The following CP variants were observed in gnomAD, a reference collection of about 807,000 sequenced individuals.
CP encodes the protein caeruloplasmin.
A neutral mutation model predicts 122.4 loss-of-function variants in CP; 64 were observed. That is an observed-to-expected ratio of 0.52 (90% CI 0.43 to 0.64). The LOEUF is 0.64. CP is among the 30% of genes least tolerant of loss of function. The pLI is 0.00. For missense variants in CP, 1,167 were observed against 1,284.4 expected, an observed-to-expected ratio of 0.91 and a Z score of 1.40; for synonymous variants, 440 against 436.4, an observed-to-expected ratio of 1.01 and a Z score of -0.10.
At chr3:149,166,882 TA>T in intron 4 of CP, 1 of 656,166 alleles carries the variant, frequency 1.5e-6, no homozygotes, top group East Asian at 2.7e-5. Flanking sequence ...TTAGATTTAT[TA>T]AATAAGGACC....
At chr3:149,192,493 CA>C (rs11451281) in intron 9 of CP, among the ~76,000 whole-genome samples, 68 of 143,728 alleles carry the variant, frequency 4.7e-4, no homozygotes, top group African/African-American at 1.2e-3. Flanking sequence ...ATACAAAAGG[CA>C]AAAAAAAAAG....
At chr3:149,196,626 C>T (rs1726912313) in intron 9 of CP, among the ~76,000 whole-genome samples, 2 of 152,130 alleles carry the variant, frequency 1.3e-5, no homozygotes, top group African/African-American at 4.8e-5. Context: ...TCAACCTGAA[C>T]AAGTCCTTCA....
At chr3:149,167,145 T>G (rs1366000709) in intron 4 of CP, 1 of 1,613,810 alleles carries the variant, frequency 6.2e-7, no homozygotes, top group Non-Finnish European at 8.5e-7. Context: ...TCGTACACGC[T>G]TGAAAGAGTA....
rs1178729691 is a variant in CP, at chr3:149,163,966, C to G, written c.*14-1091G>C. 6.6e-6 allele frequency: 8 copies of G among 1,203,734 alleles called. No individual in the cohort carries two copies. In the African/African-American group the frequency reaches 1.2e-4, roughly 18 times the overall value. The allele number at this position is 1,203,734 out of a possible 1,614,324, so 74.6% of individuals were successfully genotyped here. On this transcript the variant is annotated intron_variant, in intron 5 of 5. Coordinates refer to the CP transcript ENST00000479771. ...AAATTACAGGTAAGTAAAAATACCT[C>G]CTTTTCTTATGAAATTGCATATTAC...
intron 9 of CP, among the ~76,000 whole-genome samples, chr3:149,194,376 T>C (rs1726753145): frequency 1.3e-5 from 2 of 151,970 alleles, no homozygotes. Context: ...GTAGCTGGGA[T>C]TACAGACATG....
chr3:149,208,594 T>A lies in CP; in HGVS notation c.781+617A>T, dbSNP rs1043601667. Among the ~76,000 whole-genome samples, 72 of 152,306 alleles carry A rather than the reference T, an allele frequency of 4.7e-4. 1 individual carries two copies. The highest frequency in any genetic ancestry group is 1.6e-3 in the African/African-American group (65 of 41,580). ...CAAATAAACGAAAATATCTACTTAT[T>A]GGTCTAGTTGTTGTTAAGGGACTCT... is the stretch of plus-strand genomic sequence containing the variant. On this transcript the variant is annotated intron_variant, in intron 4 of 18. Coordinates refer to ENST00000264613, the MANE Select transcript of CP (RefSeq NM_000096.4).
chr3:149,216,423 G>A (rs546495237), intron 1 of CP, among the ~76,000 whole-genome samples: 10 of 152,170 alleles, frequency 6.6e-5, no homozygotes, highest in African/African-American at 2.4e-4. Context: ...AAGGTCACCC[G>A]TATGCCCTCC....
intron 16 of CP, 80 bp from the exon 17 acceptor site, chr3:149,178,059 G>A (rs1328001008): frequency 7.6e-7 from 1 of 1,308,894 alleles, no homozygotes; most frequent in Non-Finnish European, 1.1e-6. Context: ...ATGATTATTA[G>A]GTTAATGTAA....
In CP at chr3:149,207,500, T is replaced by C. The variant is rs1474775877; in HGVS notation, c.899A>G (p.His300Arg). The part of the protein sequence containing the change: ...NEVDVHAAFF[H>R]GQALTNKNYR... ...GTTCTTGTTAGTCAGTGCTTGCCCG[T>C]GAAAGAAAGCTGCGTGCACATCAAC... Residue 300 changes from histidine (H) to arginine (R), a missense_variant, in exon 5 of 19, where the codon CAC (histidine) becomes CGC (arginine). Around this residue, in one of 2 missense-constraint regions of CP, gnomAD observed 642 missense variants for 627.3 expected, o/e 1.02. Coordinates refer to ENST00000264613, the MANE Select transcript of CP (RefSeq NM_000096.4). 1.2e-6 allele frequency: 2 copies of C among 1,613,886 alleles called. No individual in the cohort carries two copies. Among genetic ancestry groups the C allele is most frequent in the Non-Finnish European group, 1.7e-6 (2 of 1,179,906 alleles).
intron 9 of CP, among the ~76,000 whole-genome samples, chr3:149,192,354 A>G (rs1726593714): frequency 6.6e-6 from 1 of 152,086 alleles, no homozygotes; most frequent in South Asian, 2.1e-4. Context: ...TAGAAAAGAT[A>G]AAACTTAGAG....
intron 9 of CP, among the ~76,000 whole-genome samples, chr3:149,197,132 C>T (rs1022607310): frequency 7.2e-5 from 11 of 152,162 alleles, no homozygotes; most frequent in East Asian, 5.8e-4. Context: ...TCCTATAAAA[C>T]GGCCCCACAC....
rs1576759866 is a variant in CP at position 149,198,478 on chromosome 3, A to G, written c.1602T>C (p.Cys534=). ...EVGPTNADPV[C]LAKMYYSAVE... is the part of the protein sequence containing the mutation. ...CAGCAGAATAATACATCTTAGCTAGACACACAGGATCTGCATTAGTGGGTC... is the reference window on the plus strand; with the variant it reads ...CAGCAGAATAATACATCTTAGCTAGGCACACAGGATCTGCATTAGTGGGTC... The change falls in exon 9 of 19, where the codon TGT becomes TGC. Residue 534 remains cysteine, a synonymous_variant. Transcript: ENST00000264613. 6.2e-7 allele frequency: 1 copy of G among 1,614,044 alleles called. No individual in the cohort carries two copies. The highest frequency in any genetic ancestry group is 1.3e-5 in the African/African-American group (1 of 75,038).
In CP at chr3:149,187,995, C is replaced by T. The variant is rs561024038; in HGVS notation, c.1864+57G>A. ...TCTTCACATTTTGTTTAGTTAAAAG[C>T]ATTACATATGCAGTACTAAAATAAC... On this transcript the variant is annotated intron_variant, in intron 10 of 18. Transcript: ENST00000264613. 18 of 1,570,386 alleles carry T rather than the reference C, an allele frequency of 1.1e-5. No homozygotes were observed. In the Admixed American group the frequency reaches 3.0e-4, roughly 26 times the overall value.
intron 1 of CP, among the ~76,000 whole-genome samples, chr3:149,215,417 T>TA (rs1728405666): frequency 6.6e-6 from 1 of 152,214 alleles, no homozygotes; most frequent in Non-Finnish European, 1.5e-5. Flanking sequence ...GGGTTAAAAT[T>TA]GCTTTTAAAA....
At chr3:149,181,980 C>CGGGGGGGGGGGGGGGG in intron 14 of CP, 25 bp downstream of exon 14, 1 of 515,888 alleles carries the variant, frequency 1.9e-6, no homozygotes, top group Non-Finnish European at 3.7e-6. Context: ...AAATGCACCA[C>CGGGGGGGGGGGGGGGG]CCCCACCCCC....
chr3:149,218,437 C>T (rs534701079), intron 1 of CP, among the ~76,000 whole-genome samples: 1 of 152,286 alleles, frequency 6.6e-6, no homozygotes, highest in South Asian at 2.1e-4. Context: ...TTATTTTCCA[C>T]TTCACTCTTT....
intron 1 of CP, among the ~76,000 whole-genome samples, chr3:149,213,320 C>T (rs929584232): frequency 2.8e-4 from 42 of 152,148 alleles, no homozygotes; most frequent in Non-Finnish European, 5.1e-4. Flanking sequence ...TTTAATCCCT[C>T]ACTAGTACAG....
intron 1 of CP, among the ~76,000 whole-genome samples, chr3:149,216,944 A>G (rs1281802972): frequency 7.2e-6 from 1 of 138,548 alleles, no homozygotes; most frequent in Admixed American, 8.0e-5. Flanking sequence ...TCTGTCGCCC[A>G]GGCTATAATG....
chr3:149,212,854 G>A (rs2108302875), intron 1 of CP, among the ~76,000 whole-genome samples, 156 bp from the exon 2 acceptor site: 2 of 152,292 alleles, frequency 1.3e-5, no homozygotes, highest in South Asian at 2.1e-4. Context: ...GAAGTGGAGG[G>A]CTGGTAGTTA....
Sources: gnomAD v4.1 joint callset for allele counts (sites outside exome capture counted in the v4.1 genomes callset) on GRCh38, gnomAD v4.1.1 for gene constraint, gnomAD v4.1.1 regional missense constraint, MANE v1.5 for transcripts, NCBI Gene and HGNC (gene_info 2026-07-23, HGNC 2026-07-21) for gene names.